The following LGR5 variants were observed in gnomAD, a reference collection of about 807,000 sequenced individuals.
LGR5 encodes the protein leucine rich repeat containing G protein-coupled receptor 5, also known as leucine-rich repeat-containing G protein-coupled receptor 5.
LGR5 carries 54 observed loss-of-function variants against 76.7 expected under a neutral mutation model. The ratio of observed to expected loss-of-function variants is 0.70; its 90% CI spans 0.57 to 0.88. LGR5 has a LOEUF of 0.88. Ranked by LOEUF, LGR5 falls within the 40% of genes least tolerant of loss-of-function variation. LGR5 has a pLI of 0.00. For synonymous variants in LGR5, 406 were observed against 421.9 expected (o/e 0.96, Z 0.46); for missense variants, 1,078 against 1,073.3 (o/e 1.00, Z -0.06).
At chr12:71,480,235 G>A (rs535994562) in intron 1 of LGR5, among the ~76,000 whole-genome samples, 2 of 151,940 alleles carry the variant, frequency 1.3e-5, no homozygotes, top group African/African-American at 4.8e-5. Context: ...GTGGTGGCTT[G>A]TGCTTGTAAT....
chr12:71,468,443 G>A (rs1872948977), intron 1 of LGR5, among the ~76,000 whole-genome samples: 1 of 152,164 alleles, frequency 6.6e-6, no homozygotes, highest in South Asian at 2.1e-4. Context: ...TGTACCCAAG[G>A]TGAATGCTAA....
chr12:71,522,363 T>A (rs2137337958), intron 2 of LGR5, among the ~76,000 whole-genome samples: 1 of 152,286 alleles, frequency 6.6e-6, no homozygotes, highest in East Asian at 1.9e-4. Context: ...AGTTTTCTGA[T>A]AAGACAGTTT....
intron 4 of LGR5, among the ~76,000 whole-genome samples, chr12:71,547,179 A>G (rs1166941736): frequency 6.6e-6 from 1 of 152,238 alleles, no homozygotes; most frequent in Admixed American, 6.5e-5. Flanking sequence ...TTCTTGCACC[A>G]GGTGTTATAA....
intron 1 of LGR5, among the ~76,000 whole-genome samples, chr12:71,475,469 T>C (rs1873288262): frequency 6.6e-6 from 1 of 151,844 alleles, no homozygotes; most frequent in African/African-American, 2.4e-5. Flanking sequence ...GCCAGCTTGA[T>C]CTGGCCTTGG....
At chr12:71,578,548 T>C (rs969684226) in intron 14 of LGR5, among the ~76,000 whole-genome samples, 11 of 152,158 alleles carry the variant, frequency 7.2e-5, no homozygotes, top group African/African-American at 2.2e-4. Flanking sequence ...ATTTTAGATG[T>C]CCCCACCTGA....
At chr12:71,511,754 G>T (rs1197294911) in intron 2 of LGR5, among the ~76,000 whole-genome samples, 1 of 151,980 alleles carries the variant, frequency 6.6e-6, no homozygotes, top group East Asian at 1.9e-4. Context: ...TGTGTCACCT[G>T]CCCAGCCGCC....
At chr12:71,460,588 C>T (rs1169039067) in intron 1 of LGR5, among the ~76,000 whole-genome samples, 1 of 152,070 alleles carries the variant, frequency 6.6e-6, no homozygotes. Flanking sequence ...GAATGCATCC[C>T]CCTGGCTTAA....
intron 11 of LGR5, among the ~76,000 whole-genome samples, chr12:71,569,453 A>C (rs1469543681): frequency 6.6e-6 from 1 of 152,248 alleles, no homozygotes; most frequent in East Asian, 1.9e-4. Flanking sequence ...GAACTTAAGC[A>C]AATTTACAAG....
rs371793573 is a variant in LGR5 at position 71,574,099 on chromosome 12, C to G, written c.1208+1178C>G. On this transcript the variant is annotated intron_variant, in intron 13 of 17. Transcript: ENST00000266674. The stretch of plus-strand genomic sequence containing the variant: ...CAGGCGGATCACGAGGTCAGGAGTT[C>G]GAGACCAGCCTGGCCAACATGGTGA... Among the ~76,000 whole-genome samples, 93 of 151,588 alleles carry G rather than the reference C, an allele frequency of 6.1e-4. 2 individuals carry two copies. The South Asian group carries it at 0.018, about 29-fold the overall frequency.
At chr12:71,491,458 C>T (rs573038015) in intron 1 of LGR5, among the ~76,000 whole-genome samples, 3 of 151,978 alleles carry the variant, frequency 2.0e-5, no homozygotes, top group Non-Finnish European at 2.9e-5. Context: ...AAGTAATAGA[C>T]CTTTTCTTTA....
At chr12:71,504,272 AAGTTGAGTTATGTCTAG>A (rs1303359936) in intron 1 of LGR5, among the ~76,000 whole-genome samples, 1 of 152,128 alleles carries the variant, frequency 6.6e-6, no homozygotes, top group Non-Finnish European at 1.5e-5. Flanking sequence ...GCAAGACACA[AAGTTGAGTTATGTCTAG>A]AGTTGAGTTA....
At chr12:71,543,166 G>C (rs987032465) in intron 4 of LGR5, among the ~76,000 whole-genome samples, 2 of 152,136 alleles carry the variant, frequency 1.3e-5, no homozygotes, top group Admixed American at 1.3e-4. Context: ...CCATAGGCTA[G>C]ACAGCCACTC....
At chr12:71,525,571 G>A (rs1875957368) in intron 3 of LGR5, among the ~76,000 whole-genome samples, 1 of 151,896 alleles carries the variant, frequency 6.6e-6, no homozygotes, top group African/African-American at 2.4e-5. Flanking sequence ...TGTATCGTGA[G>A]AGTCAAGTTT....
At chr12:71,574,655 A>G (rs1223228390) in intron 13 of LGR5, among the ~76,000 whole-genome samples, 1 of 151,996 alleles carries the variant, frequency 6.6e-6, no homozygotes, top group Non-Finnish European at 1.5e-5. Context: ...TCCCAGCAAC[A>G]CTCTTCAAAA....
intron 1 of LGR5, among the ~76,000 whole-genome samples, chr12:71,497,706 G>A (rs577656099): frequency 5.9e-5 from 9 of 152,362 alleles, no homozygotes; most frequent in African/African-American, 2.2e-4. Context: ...CTGGCAGAGA[G>A]CTAAATGCTA....
chr12:71,524,155 C>T (rs570202547), intron 2 of LGR5, among the ~76,000 whole-genome samples: 46 of 152,268 alleles, frequency 3.0e-4, no homozygotes, highest in African/African-American at 1.1e-3. Context: ...TATATATGTA[C>T]ATATGGTATA....
chr12:71,579,542 T>C (rs1476356443), intron 15 of LGR5, among the ~76,000 whole-genome samples: 2 of 152,198 alleles, frequency 1.3e-5, no homozygotes, highest in African/African-American at 2.4e-5. Context: ...TTTATATTTA[T>C]GGGGTACATG....
rs761013864 is a variant in LGR5 at position 71,584,542 on chromosome 12, A to G, written c.2532A>G (p.Ser844=). 5 of 1,614,070 alleles carry G rather than the reference A, an allele frequency of 3.1e-6. No homozygotes were observed. In the South Asian group the frequency reaches 3.3e-5, roughly 11 times the overall value. The change falls in exon 18 of 18, where the codon TCA becomes TCG. Residue 844 remains serine (S), a synonymous_variant. Coordinates refer to ENST00000266674, the MANE Select transcript of LGR5 (RefSeq NM_003667.4). ...LRKQTYVWTR[S]KHPSLMSINS... is the part of the protein sequence containing the mutation. ...AGCAAACCTACGTCTGGACAAGATC[A>G]AAACACCCAAGCTTGATGTCAATTA... is the stretch of plus-strand genomic sequence containing the variant.
Position 71,440,148 on chromosome 12 carries a change from G to A in LGR5, c.68G>A (p.Ser23Asn). The A allele has an allele frequency of 6.2e-7, 1 of 1,610,366 alleles. No individual in the cohort carries two copies. ...PVLLQLATGG[S>N]SPRSGVLLRG... ...CTGCTGCAGCTGGCGACCGGGGGCA[G>A]CTCTCCCAGGTCTGGTGTGTTGCTG... The change falls in exon 1 of 18, where the codon AGC becomes AAC. Residue 23 changes from serine (S) to asparagine (N), a missense_variant. Physicochemically the swap from Ser to Asn is conservative, Grantham distance 46. Coordinates refer to ENST00000266674, the MANE Select transcript of LGR5 (RefSeq NM_003667.4). This position sits in a 1 kb window ranked among gnomAD's most constrained non-coding sequence, Gnocchi z 5.3.
Sources: gnomAD v4.1 joint callset for allele counts (sites outside exome capture counted in the v4.1 genomes callset) on GRCh38, gnomAD v4.1.1 for gene constraint, Gnocchi (gnomAD v3.1) non-coding constraint, MANE v1.5 for transcripts, NCBI Gene and HGNC (gene_info 2026-07-23, HGNC 2026-07-21) for gene names.